BTG4: variants seen among roughly 807,000 people sequenced by gnomAD.
BTG4 encodes the protein BTG anti-proliferation factor 4, also known as protein BTG4.
In BTG4, 10 loss-of-function variants were observed where a neutral mutation model predicts 19.3. The observed-to-expected ratio is 0.52, with a 90% CI of 0.32 to 0.88. The LOEUF (loss-of-function observed/expected upper bound fraction) is 0.88, where lower values mean the gene tolerates loss of function less well. Among genes scored for constraint, BTG4 ranks in the 40% least tolerant of loss-of-function variants. The probability of loss-of-function intolerance (pLI) is 0.04; values close to 1 mark genes in which losing one functional copy is unlikely to be tolerated. For missense variants in BTG4, 238 were observed against 281.9 expected (o/e 0.84, Z 1.11); for synonymous variants, 91 against 95.7 (o/e 0.95, Z 0.29).
At chr11:111,400,110 A>G in the BTG4 span, among the ~76,000 whole-genome samples, 1 of 152,124 alleles carries the variant, frequency 6.6e-6, no homozygotes, top group Non-Finnish European at 1.5e-5. Flanking sequence ...AACCCTGAGA[A>G]GCAGGAGGCC....
intron 3 of BTG4, 26 bp from the exon 4 acceptor site, chr11:111,497,435 C>T (rs1018601436): frequency 1.5e-6 from 2 of 1,338,196 alleles, no homozygotes; most frequent in Admixed American, 2.8e-5. Context: ...AATTTAAGTG[C>T]TAATTAGCGA....
chr11:111,388,299 T>G, the BTG4 span, among the ~76,000 whole-genome samples: 1 of 151,614 alleles, frequency 6.6e-6, no homozygotes, highest in Non-Finnish European at 1.5e-5. Flanking sequence ...GTTGGTTGGT[T>G]GGTTGGTTGG....
At chr11:111,463,703 TCA>T (rs1430058063), downstream of BTG4, among the ~76,000 whole-genome samples, 1 of 152,218 alleles carries the variant, frequency 6.6e-6, no homozygotes, top group African/African-American at 2.4e-5. Flanking sequence ...ATTTATTTTC[TCA>T]CAGTTTCTTT....
At chr11:111,456,521 C>T in the BTG4 span, 7 of 456,556 alleles carry the variant, frequency 1.5e-5, no homozygotes, top group South Asian at 4.6e-5. This position sits in a 1 kb window ranked among gnomAD's most constrained non-coding sequence, Gnocchi z 4.2. Context: ...GCAGCCCCAG[C>T]AGGCCCTCCT....
chr11:111,452,717 C>G, the BTG4 span: 1 of 152,334 alleles, frequency 6.6e-6, no homozygotes, highest in African/African-American at 2.4e-5. Flanking sequence ...AGTTTCAAGC[C>G]TCCAGGGCTT....
At chr11:111,462,377 G>A in the BTG4 span, 4 of 152,652 alleles carry the variant, frequency 2.6e-5, no homozygotes, top group South Asian at 4.1e-4. Context: ...GAGATGGAGA[G>A]AAGAGCCAGG....
chr11:111,390,136 C>T, the BTG4 span, among the ~76,000 whole-genome samples: 1 of 152,206 alleles, frequency 6.6e-6, no homozygotes, highest in African/African-American at 2.4e-5. Context: ...GACTCCATAG[C>T]TTATAATCAC....
At chr11:111,494,072 G>A (rs1190988802), downstream of BTG4, among the ~76,000 whole-genome samples, 4 of 152,156 alleles carry the variant, frequency 2.6e-5, no homozygotes, top group African/African-American at 9.7e-5. Flanking sequence ...CAGAAACTCA[G>A]CAAGAAAACC....
At chr11:111,448,622 G>T in the BTG4 span, 1 of 152,702 alleles carries the variant, frequency 6.5e-6, no homozygotes. Flanking sequence ...AGCCAGAGAA[G>T]GGCAAGGACA....
intron 5 of BTG4, chr11:111,469,366 C>G (rs963124361): frequency 6.6e-6 from 1 of 152,222 alleles, no homozygotes; most frequent in Non-Finnish European, 1.5e-5. Flanking sequence ...ATGTACAGGG[C>G]ATTTTGCTTC....
chr11:111,427,822 G>A, the BTG4 span, among the ~76,000 whole-genome samples: 1 of 152,146 alleles, frequency 6.6e-6, no homozygotes, highest in Non-Finnish European at 1.5e-5. Flanking sequence ...TTCTGCACAG[G>A]CATTTGCTAC....
the BTG4 span, chr11:111,414,103 C>T: frequency 1.3e-5 from 2 of 152,166 alleles, no homozygotes; most frequent in Non-Finnish European, 2.9e-5. Context: ...CACCTAACTG[C>T]TCATGTGTGT....
chr11:111,405,634 G>T, the BTG4 span, among the ~76,000 whole-genome samples: 1 of 152,054 alleles, frequency 6.6e-6, no homozygotes, highest in East Asian at 1.9e-4. Flanking sequence ...CACTGCCAGA[G>T]TTCAGGGAGT....
chr11:111,391,391 A>G, the BTG4 span, among the ~76,000 whole-genome samples: 1 of 152,194 alleles, frequency 6.6e-6, no homozygotes, highest in Non-Finnish European at 1.5e-5. Context: ...TATCTAGGAG[A>G]AATGTCACGT....
the BTG4 span, among the ~76,000 whole-genome samples, chr11:111,437,418 G>A: frequency 3.3e-5 from 5 of 152,162 alleles, no homozygotes. Flanking sequence ...ACTGGGTTGG[G>A]GGATGAGGGG....
intron 5 of BTG4, among the ~76,000 whole-genome samples, chr11:111,471,487 T>C (rs1482203640): frequency 6.6e-6 from 1 of 152,128 alleles, no homozygotes; most frequent in Non-Finnish European, 1.5e-5. Flanking sequence ...CCTTGACATA[T>C]TTTTTTCATT....
At chr11:111,455,052 C>T in the BTG4 span, 1 of 455,702 alleles carries the variant, frequency 2.2e-6, no homozygotes, top group African/African-American at 2.0e-5. Flanking sequence ...CCTCCGCTAA[C>T]CGGCTTCTGA....
At chr11:111,400,840 TGTA>T in the BTG4 span, 3 of 152,280 alleles carry the variant, frequency 2.0e-5, no homozygotes, top group African/African-American at 7.2e-5. Flanking sequence ...GCTTCACCTC[TGTA>T]GTAGTCTTTC....
the BTG4 span, among the ~76,000 whole-genome samples, chr11:111,436,558 C>T: frequency 4.1e-5 from 6 of 146,942 alleles, no homozygotes; most frequent in Admixed American, 2.0e-4. Context: ...ATCTGGGAGA[C>T]GGAGATGGCA....
Sources: gnomAD v4.1 joint callset for allele counts (sites outside exome capture counted in the v4.1 genomes callset) on GRCh38, gnomAD v4.1.1 for gene constraint, Gnocchi (gnomAD v3.1) non-coding constraint, MANE v1.5 for transcripts, NCBI Gene and HGNC (gene_info 2026-07-23, HGNC 2026-07-21) for gene names.